The following PTPA variants were observed in gnomAD, a reference collection of about 807,000 sequenced individuals.
The protein encoded by PTPA is protein phosphatase 2 phosphatase activator, also known as serine/threonine-protein phosphatase 2A activator.
Under a neutral mutation model 43.6 loss-of-function variants are expected in PTPA, and 13 were observed. That is an observed-to-expected ratio of 0.30 (90% CI 0.19 to 0.47). PTPA has a LOEUF of 0.47. PTPA is among the 20% of genes least tolerant of loss of function. The pLI, the probability that PTPA is intolerant of heterozygous loss-of-function variation, is 0.99. For missense variants in PTPA, 329 were observed against 411.9 expected (o/e 0.80, Z 1.74); for synonymous variants, 172 against 158.2 (o/e 1.09, Z -0.66).
chr9:129,145,185 G>C (rs1042613378), intron 9 of PTPA, among the ~76,000 whole-genome samples: 3 of 152,008 alleles, frequency 2.0e-5, no homozygotes, highest in African/African-American at 7.2e-5. Flanking sequence ...ACAAAAATTA[G>C]CCTGGCATCG....
intron 1 of PTPA, among the ~76,000 whole-genome samples, chr9:129,112,203 T>A (rs970483522): frequency 9.5e-4 from 144 of 152,316 alleles, no homozygotes; most frequent in African/African-American, 3.3e-3. Context: ...AGGCTGGTTG[T>A]GCAAGGAGGT....
intron 1 of PTPA, among the ~76,000 whole-genome samples, chr9:129,117,043 C>G (rs1224065681): frequency 4.6e-5 from 7 of 152,032 alleles, no homozygotes; most frequent in Admixed American, 4.6e-4. Flanking sequence ...ATCTTATCAA[C>G]TGATATTTGG....
upstream of PTPA, chr9:129,111,058 C>T (rs936959568): frequency 2.2e-6 from 3 of 1,368,346 alleles, no homozygotes; most frequent in Non-Finnish European, 2.9e-6. Context: ...TTTCCAACTC[C>T]GTCTGGTGTC....
At chr9:129,130,165 C>T (rs148610438) in intron 4 of PTPA, among the ~76,000 whole-genome samples, 91 of 152,288 alleles carry the variant, frequency 6.0e-4, no homozygotes, top group African/African-American at 2.1e-3. Context: ...AATGCAGGAT[C>T]TCAGACCCTG....
At chr9:129,142,151 C>G (rs946575019) in intron 8 of PTPA, 2 of 323,900 alleles carry the variant, frequency 6.2e-6, no homozygotes, top group Non-Finnish European at 1.1e-5. Context: ...CTTTTTTTGG[C>G]TGTGGGAGAA....
In PTPA at chr9:129,142,581, C is replaced by T. The variant is rs748411340; in HGVS notation, c.894+29C>T. ...AGTGGGGGCTGGCCAGTGTGCCCGT[C>T]CCTGCTGCCGCACTTGGTCCTGGGC... is the stretch of plus-strand genomic sequence containing the variant. On this transcript the variant is annotated intron_variant, in intron 9 of 9. Coordinates refer to ENST00000393370, the MANE Select transcript of PTPA (RefSeq NM_178000.3). 3 of 1,613,428 alleles carry T rather than the reference C, an allele frequency of 1.9e-6. No individual in the cohort carries two copies. The South Asian group carries it at 3.3e-5, about 18-fold the overall frequency.
intron 1 of PTPA, among the ~76,000 whole-genome samples, chr9:129,112,181 C>T (rs1024395359): frequency 5.9e-5 from 9 of 152,158 alleles, no homozygotes; most frequent in Admixed American, 5.2e-4. Context: ...TGTCTAAATC[C>T]CTAATTTTAA....
chr9:129,138,391 C>T (rs573773421), intron 8 of PTPA, among the ~76,000 whole-genome samples: 4 of 152,302 alleles, frequency 2.6e-5, no homozygotes, highest in Admixed American at 1.3e-4. Flanking sequence ...GCATCAGAAT[C>T]TTAGGGGACA....
intron 1 of PTPA, among the ~76,000 whole-genome samples, chr9:129,117,944 C>T (rs149852480): frequency 0.02 from 2,994 of 152,134 alleles, 78 homozygotes; most frequent in African/African-American, 0.065. Context: ...AATGATCCAC[C>T]TACCTCAGCC....
chr9:129,133,993 T>C (rs1406146548), intron 5 of PTPA, among the ~76,000 whole-genome samples: 1 of 152,244 alleles, frequency 6.6e-6, no homozygotes, highest in Admixed American at 6.5e-5. Context: ...GGGGAAACCT[T>C]GAACCCTTAC....
At chr9:129,130,510 C>T (rs1407668089) in intron 4 of PTPA, among the ~76,000 whole-genome samples, 1 of 151,788 alleles carries the variant, frequency 6.6e-6, no homozygotes, top group Non-Finnish European at 1.5e-5. Flanking sequence ...CGTCCTGCCT[C>T]AGCCTCCCAA....
intron 8 of PTPA, 106 bp downstream of exon 8, chr9:129,137,798 A>C: frequency 3.8e-6 from 4 of 1,057,662 alleles, no homozygotes; most frequent in Non-Finnish European, 2.9e-6. Flanking sequence ...GCTGCCCAAA[A>C]TGGCAGGGCC....
intron 9 of PTPA, among the ~76,000 whole-genome samples, chr9:129,146,913 T>G (rs1851343058): frequency 1.3e-5 from 2 of 152,242 alleles, no homozygotes; most frequent in African/African-American, 4.8e-5. Flanking sequence ...GTTCTTATTG[T>G]CTCGCTCTGA....
intron 9 of PTPA, among the ~76,000 whole-genome samples, chr9:129,146,906 C>T (rs1851342446): frequency 6.6e-6 from 1 of 152,232 alleles, no homozygotes; most frequent in African/African-American, 2.4e-5. Flanking sequence ...TCAGCTGGTT[C>T]TTATTGTCTC....
In PTPA at chr9:129,117,076, T is replaced by C. The variant is rs1015835383; in HGVS notation, c.32-3437T>C. ...TGGGTTGTTTCTAATTTTTTTTTGTTTTCAAGACAGGGTCTTGCTCTGTCA... is the reference window on the plus strand; with the variant it reads ...TGGGTTGTTTCTAATTTTTTTTTGTCTTCAAGACAGGGTCTTGCTCTGTCA... On this transcript the variant is annotated intron_variant, in intron 1 of 9. Transcript: ENST00000393370. Among the ~76,000 whole-genome samples the C allele has an allele frequency of 3.3e-5, 5 of 152,314 alleles. No homozygotes were observed. The East Asian group carries it at 9.6e-4, about 29-fold the overall frequency.
chr9:129,116,081 C>T (rs76340494), intron 1 of PTPA, among the ~76,000 whole-genome samples: 2,169 of 151,240 alleles, frequency 0.014, 84 homozygotes, highest in Admixed American at 0.079. Context: ...AGTGCAGTGG[C>T]GCGACCTCGG....
chr9:129,142,357 C>T (rs869241421), intron 8 of PTPA, 88 bp from the exon 9 acceptor site: 17 of 949,880 alleles, frequency 1.8e-5, no homozygotes, highest in East Asian at 2.6e-5. Context: ...TGTGTGTGTG[C>T]ATGCATGGGT....
At chr9:129,111,927 T>C (rs1848528897) in intron 1 of PTPA, 2 of 561,054 alleles carry the variant, frequency 3.6e-6, no homozygotes, top group South Asian at 1.9e-4. Context: ...AGGGGGCCTT[T>C]TGCATCTCTG....
rs12115583 is a variant in PTPA at position 129,127,863 on chromosome 9, C to T, written c.217-1122C>T. 1,177 of 813,684 alleles carry T rather than the reference C, an allele frequency of 1.4e-3. 15 individuals carry two copies. In the African/African-American group the frequency reaches 0.019, roughly 13 times the overall value. 50.4% of individuals were successfully genotyped at this position (813,684 alleles called of 1,614,324 possible). On this transcript the variant is annotated intron_variant, in intron 3 of 9. Coordinates refer to ENST00000393370, the MANE Select transcript of PTPA (RefSeq NM_178000.3). Reference sequence around the variant, plus strand: ...GGTAGTGAAACAGGTGGAAATAACCCAAACATTTAACAGTGAGGAATTAAA... The same window carrying T: ...GGTAGTGAAACAGGTGGAAATAACCTAAACATTTAACAGTGAGGAATTAAA...
Sources: allele counts gnomAD v4.1 joint callset (sites outside exome capture counted in the v4.1 genomes callset), GRCh38; gene constraint gnomAD v4.1.1; transcripts MANE v1.5; gene names NCBI Gene and HGNC (gene_info 2026-07-23, HGNC 2026-07-21).